The following CREBBP variants were observed in gnomAD, a reference collection of about 807,000 sequenced individuals.
CREBBP encodes CREB-binding protein.
A neutral mutation model predicts 265.0 loss-of-function variants in CREBBP; 19 were observed. The ratio of observed to expected loss-of-function variants is 0.07; its 90% CI spans 0.05 to 0.11. CREBBP has a LOEUF of 0.11. Among genes scored for constraint, CREBBP ranks in the 10% least tolerant of loss-of-function variants. CREBBP has a pLI of 1.00. For missense variants in CREBBP, 2,525 were observed against 3,219.0 expected (o/e 0.78, Z 5.22); for synonymous variants, 1,457 against 1,223.7 (o/e 1.19, Z -3.98).
At chr16:3,796,317 C>A (rs1317652235) in intron 3 of CREBBP, among the ~76,000 whole-genome samples, 3 of 151,786 alleles carry the variant, frequency 2.0e-5, no homozygotes, top group East Asian at 3.9e-4. Flanking sequence ...CTGGGCTCAA[C>A]TGATCTTCCC....
rs9926010 is a variant in CREBBP, at chr16:3,785,658, C to T, written c.1331-2732G>A. ...TGTCTTGGAACTGAACAGAAATGCA[C>T]GGAGATTGGTCCATCTACCTGGCAT... On this transcript the variant is annotated intron_variant, in intron 5 of 30. Coordinates refer to ENST00000262367, the MANE Select transcript of CREBBP (RefSeq NM_004380.3). Among the ~76,000 whole-genome samples the T allele has an allele frequency of 4.4e-3, 674 of 152,332 alleles. 5 individuals are homozygous for T. Among genetic ancestry groups the T allele is most frequent in the African/African-American group, 0.016 (648 of 41,580 alleles).
intron 16 of CREBBP, among the ~76,000 whole-genome samples, chr16:3,766,119 T>C (rs1266646326): frequency 1.3e-5 from 2 of 151,934 alleles, no homozygotes; most frequent in Non-Finnish European, 2.9e-5. Flanking sequence ...TAAGTGTCAA[T>C]TGAAAAAAAA....
chr16:3,750,653 A>G (rs2052451983), intron 20 of CREBBP, among the ~76,000 whole-genome samples: 1 of 152,246 alleles, frequency 6.6e-6, no homozygotes, highest in East Asian at 1.9e-4. Flanking sequence ...TGGAAATACA[A>G]GTTTAACCCT....
intron 21 of CREBBP, among the ~76,000 whole-genome samples, chr16:3,746,314 G>C (rs374989829): frequency 6.6e-6 from 1 of 151,814 alleles, no homozygotes. Context: ...TGCCCAGTCT[G>C]CTGGAGGGAA....
At chr16:3,817,400 T>C (rs1286769911) in intron 2 of CREBBP, among the ~76,000 whole-genome samples, 3 of 152,162 alleles carry the variant, frequency 2.0e-5, no homozygotes, top group Admixed American at 2.0e-4. Context: ...ATCAAAACAT[T>C]AGTAAGAAAA....
intron 9 of CREBBP, 29 bp from the exon 10 acceptor site, chr16:3,778,211 CAGTTAAAACTGTAAAAAGCAACTGAATG>C: frequency 1.9e-6 from 3 of 1,548,914 alleles, no homozygotes; most frequent in Non-Finnish European, 2.7e-6. Flanking sequence ...CAATATGAAA[CAGTTAAAACTGTAAAAAGCAACTGAATG>C]ATCTGTGTTG....
At chr16:3,809,171 A>C (rs528584870) in intron 3 of CREBBP, among the ~76,000 whole-genome samples, 1 of 150,732 alleles carries the variant, frequency 6.6e-6, no homozygotes, top group South Asian at 2.1e-4. Context: ...TTACTTGTAC[A>C]TACCCAACCA....
intron 5 of CREBBP, 147 bp from the exon 6 acceptor site, chr16:3,783,073 G>T: frequency 9.0e-7 from 1 of 1,110,968 alleles, no homozygotes; most frequent in Non-Finnish European, 1.3e-6. Flanking sequence ...AGCCTAGGGA[G>T]AAAGGAACTG....
At chr16:3,837,635 A>T (rs1368510086) in intron 2 of CREBBP, among the ~76,000 whole-genome samples, 1 of 150,550 alleles carries the variant, frequency 6.6e-6, no homozygotes, top group Non-Finnish European at 1.5e-5. Flanking sequence ...TAATAATAAT[A>T]AATAAATAAA....
intron 2 of CREBBP, among the ~76,000 whole-genome samples, chr16:3,824,655 C>G (rs1277484418): frequency 6.6e-6 from 1 of 151,930 alleles, no homozygotes; most frequent in East Asian, 1.9e-4. Context: ...TCCCCACACG[C>G]CTTTGCCTCA....
intron 1 of CREBBP, among the ~76,000 whole-genome samples, chr16:3,851,305 TTA>T (rs368087885): frequency 4.3e-5 from 3 of 69,004 alleles, no homozygotes; most frequent in African/African-American, 2.0e-4. Context: ...AAAAAAAAAA[TTA>T]AAAAAAAAAA....
rs892632222 is a variant in CREBBP at position 3,866,723 on chromosome 16, G to A, written c.85+13109C>T. The stretch of plus-strand genomic sequence containing the variant: ...CCCAAAACATCTCTAGCTCAACCCC[G>A]AAAAACAATTTCTAGAGATTCCCTT... On this transcript the variant is annotated intron_variant, in intron 1 of 30. Transcript: ENST00000262367. Among the ~76,000 whole-genome samples, 6 of 151,584 alleles carry A rather than the reference G, an allele frequency of 4.0e-5. No individual in the cohort carries two copies. In the South Asian group the frequency reaches 6.2e-4, roughly 16 times the overall value.
chr16:3,736,977 C>CT, intron 26 of CREBBP, 162 bp from the exon 27 acceptor site: 1 of 838,270 alleles, frequency 1.2e-6, no homozygotes, highest in Non-Finnish European at 1.9e-6. Context: ...AAGGCTCGAA[C>CT]TTTATCCTGA....
chr16:3,849,436 T>TGTGTGTGTGTGTGTGTGTGTGTG (rs2054758618), intron 2 of CREBBP, among the ~76,000 whole-genome samples: 1 of 11,400 alleles, frequency 8.8e-5, no homozygotes, highest in Non-Finnish European at 6.2e-4. Context: ...TGTGTGTGTG[T>TGTGTGTGTGTGTGTGTGTGTGTG]GTGTGTGTGT....
intron 20 of CREBBP, among the ~76,000 whole-genome samples, chr16:3,750,733 T>C (rs188626366): frequency 6.6e-6 from 1 of 152,054 alleles, no homozygotes; most frequent in African/African-American, 2.4e-5. Context: ...AAAGCACTAG[T>C]GAAGGAAGGA....
intron 2 of CREBBP, among the ~76,000 whole-genome samples, chr16:3,816,846 C>T (rs537664513): frequency 2.0e-5 from 3 of 152,282 alleles, no homozygotes; most frequent in African/African-American, 4.8e-5. Context: ...TGAATGAACA[C>T]GCCAAAGCAC....
In CREBBP at chr16:3,850,699, G is replaced by T. The variant is rs2054815027; in HGVS notation, c.396C>A (p.Ser132Arg). 6.2e-7 allele frequency: 1 copy of T among 1,614,010 alleles called. No individual in the cohort carries two copies. The highest frequency in any genetic ancestry group is 1.3e-5 in the African/African-American group (1 of 74,954). Residue 132 changes from serine (S) to arginine (R), a missense_variant, in exon 2 of 31, where the codon AGC becomes AGA. By Grantham distance (110) the Ser-to-Arg change is moderately radical. Transcript: ENST00000262367. ...AGGTGCTGGCTGCCTGTTTAGGCAG[G>T]CTGGGGGCTGAAGAATCTCCCTGGC... ...PLSQGDSSAPSLPKQAASTSG... is the reference protein window; with the variant it reads ...PLSQGDSSAPRLPKQAASTSG...
Position 3,849,446 on chromosome 16 carries a change from T to TGTGTGTG in CREBBP, c.798+844_798+850dup, listed in dbSNP as rs1567360645. On this transcript the variant is annotated intron_variant, in intron 2 of 30. Coordinates refer to ENST00000262367, the MANE Select transcript of CREBBP (RefSeq NM_004380.3). The stretch of plus-strand genomic sequence containing the variant: ...GTGTGTGTGTGTGTGTGTGTGTGTG[T>TGTGTGTG]GTGTGTGTGTGTGTGTGTGTGTGTG... Among the ~76,000 whole-genome samples the TGTGTGTG allele has an allele frequency of 2.9e-3, 98 of 33,686 alleles. 16 individuals are homozygous for TGTGTGTG. The highest frequency in any genetic ancestry group is 0.018 in the Middle Eastern group (1 of 56). 22.1% of individuals were successfully genotyped at this position (33,686 alleles called of 152,430 possible). A position where few individuals can be genotyped will look rare whatever the true frequency, so the allele number is the denominator to read the frequency against.
rs934599515 is a variant in CREBBP at position 3,782,769 on chromosome 16, G to A, written c.1488C>T (p.Pro496=). ...GAACCTGAGGCTGCAGCTGCGTCTG[G>A]GGCTGGTTCATGTAGGGGAGTCCGA... ...AALGLPYMNQ[P]QTQLQPQVPG... is the part of the protein sequence containing the mutation. The change falls in exon 6 of 31, where the codon CCC becomes CCT. Residue 496 remains proline (P), a synonymous_variant. Transcript: ENST00000262367. The A allele has an allele frequency of 6.2e-7, 1 of 1,614,144 alleles. No individual in the cohort carries two copies. Among genetic ancestry groups the A allele is most frequent in the East Asian group, 2.2e-5 (1 of 44,886 alleles).
Sources: allele counts gnomAD v4.1 joint callset (sites outside exome capture counted in the v4.1 genomes callset), GRCh38; gene constraint gnomAD v4.1.1; transcripts MANE v1.5; gene names NCBI Gene and HGNC (gene_info 2026-07-23, HGNC 2026-07-21).